Variants in GRIK2 observed in about 807,000 individuals in gnomAD.
GRIK2 encodes glutamate receptor ionotropic, kainate 2.
A neutral mutation model predicts 100.3 loss-of-function variants in GRIK2; 32 were observed. That is an observed-to-expected ratio of 0.32 (90% CI 0.24 to 0.43). GRIK2 has a LOEUF of 0.43. Ranked by LOEUF, GRIK2 falls within the 20% of genes least tolerant of loss-of-function variation. The probability of loss-of-function intolerance (pLI) is 1.00; values close to 1 mark genes in which losing one functional copy is unlikely to be tolerated. For missense variants in GRIK2, 843 were observed against 1,114.9 expected, an observed-to-expected ratio of 0.76 and a Z score of 3.47; for synonymous variants, 417 against 389.4, an observed-to-expected ratio of 1.07 and a Z score of -0.83.
chr6:101,665,433 C>G (rs1377705876), intron 4 of GRIK2, among the ~76,000 whole-genome samples: 3 of 152,166 alleles, frequency 2.0e-5, no homozygotes, highest in Non-Finnish European at 4.4e-5. Context: ...TGTATGTCTG[C>G]TTTGGAGTTC....
intron 14 of GRIK2, among the ~76,000 whole-genome samples, chr6:101,975,390 C>CA (rs1372366480): frequency 2.0e-5 from 3 of 151,504 alleles, no homozygotes; most frequent in Non-Finnish European, 2.9e-5. Context: ...GAAAATAACC[C>CA]AAAAAAGGAG....
At chr6:101,852,480 C>T (rs561362269) in intron 10 of GRIK2, among the ~76,000 whole-genome samples, 6 of 152,120 alleles carry the variant, frequency 3.9e-5, no homozygotes, top group African/African-American at 1.2e-4. Context: ...CTGGCTTCCC[C>T]GGTTGACCAG....
intron 11 of GRIK2, among the ~76,000 whole-genome samples, chr6:101,887,340 T>G (rs1013053856): frequency 6.6e-6 from 1 of 152,114 alleles, no homozygotes; most frequent in Non-Finnish European, 1.5e-5. Flanking sequence ...AATAAAAAGT[T>G]ACCACTTTAT....
chr6:101,752,297 T>C (rs1776841488), intron 7 of GRIK2, among the ~76,000 whole-genome samples: 1 of 152,144 alleles, frequency 6.6e-6, no homozygotes, highest in African/African-American at 2.4e-5. Context: ...TGTTTCTCAT[T>C]GATAGTGTCT....
chr6:101,968,762 A>G (rs889594486), intron 14 of GRIK2, among the ~76,000 whole-genome samples: 2 of 62,116 alleles, frequency 3.2e-5, no homozygotes, highest in Middle Eastern at 0.016. Flanking sequence ...CTCTGAGGGG[A>G]AAAAATCACT....
chr6:101,867,872 A>T (rs1785154702), intron 11 of GRIK2, among the ~76,000 whole-genome samples: 1 of 151,630 alleles, frequency 6.6e-6, no homozygotes, highest in South Asian at 2.1e-4. Flanking sequence ...TTGCAAAATT[A>T]TAGCAAAAAC....
intron 11 of GRIK2, among the ~76,000 whole-genome samples, chr6:101,876,341 A>C (rs1785839195): frequency 6.6e-6 from 1 of 152,040 alleles, no homozygotes; most frequent in South Asian, 2.1e-4. Flanking sequence ...AATCTAAAAA[A>C]GAATCTGGAT....
chr6:102,002,769 T>G (rs1795018728), intron 14 of GRIK2, among the ~76,000 whole-genome samples: 1 of 150,842 alleles, frequency 6.6e-6, no homozygotes, highest in Admixed American at 6.6e-5. Flanking sequence ...CTCATTACAA[T>G]CCCACCTATT....
At chr6:101,628,767 C>T (rs957338279) in intron 4 of GRIK2, among the ~76,000 whole-genome samples, 1 of 152,020 alleles carries the variant, frequency 6.6e-6, no homozygotes, top group Non-Finnish European at 1.5e-5. Context: ...ATAATGTATA[C>T]ATTATATACA....
chr6:101,556,186 A>C lies in GRIK2; in HGVS notation c.116-65763A>C, dbSNP rs544484264. Among the ~76,000 whole-genome samples, 311 of 151,954 alleles carry C rather than the reference A, an allele frequency of 2.0e-3. 1 individual carries two copies. Among genetic ancestry groups the C allele is most frequent in the Non-Finnish European group, 3.5e-3 (239 of 67,928 alleles). ...AAATTATCCGAAGGTATCTTTTTCT[A>C]TAAAATTTTAAAATAATGAACATGT... On this transcript the variant is annotated intron_variant, in intron 2 of 16. Transcript: ENST00000369134.
At chr6:101,612,943 T>TACCTTTACCTGA (rs1779747217) in intron 2 of GRIK2, among the ~76,000 whole-genome samples, 1 of 151,602 alleles carries the variant, frequency 6.6e-6, no homozygotes, top group Admixed American at 6.6e-5. Context: ...ATGAAAAACT[T>TACCTTTACCTGA]TGTAAATAGC....
At chr6:101,667,091 C>A (rs1401098651) in intron 4 of GRIK2, among the ~76,000 whole-genome samples, 1 of 152,110 alleles carries the variant, frequency 6.6e-6, no homozygotes, top group Non-Finnish European at 1.5e-5. Flanking sequence ...CCTGAATCTG[C>A]CTGCCACGGG....
intron 10 of GRIK2, among the ~76,000 whole-genome samples, chr6:101,823,512 GGTT>G (rs1782098805): frequency 6.6e-6 from 1 of 151,710 alleles, no homozygotes; most frequent in Non-Finnish European, 1.5e-5. Flanking sequence ...TTTCAAGTTC[GGTT>G]GTTGTTAAAA....
At chr6:101,865,296 G>A (rs1784981261) in intron 11 of GRIK2, among the ~76,000 whole-genome samples, 1 of 152,168 alleles carries the variant, frequency 6.6e-6, no homozygotes, top group Non-Finnish European at 1.5e-5. Context: ...CCTTGGCATT[G>A]CAATTGGTAT....
intron 2 of GRIK2, among the ~76,000 whole-genome samples, chr6:101,414,705 C>T (rs1776037752): frequency 6.6e-6 from 1 of 152,116 alleles, no homozygotes; most frequent in Admixed American, 6.6e-5. Context: ...AGGATGGACA[C>T]GTTTTAGATG....
At chr6:101,575,583 GAATCATGATT>G (rs1777753930) in intron 2 of GRIK2, among the ~76,000 whole-genome samples, 1 of 151,990 alleles carries the variant, frequency 6.6e-6, no homozygotes, top group Middle Eastern at 3.4e-3. Context: ...TGGTTTTGTT[GAATCATGATT>G]TCACCTAGAA....
chr6:101,862,852 T>C (rs1212364137), intron 11 of GRIK2, among the ~76,000 whole-genome samples: 2 of 152,204 alleles, frequency 1.3e-5, no homozygotes, highest in African/African-American at 2.4e-5. Flanking sequence ...TTCCTTTATG[T>C]ACTAATAATC....
intron 4 of GRIK2, among the ~76,000 whole-genome samples, chr6:101,659,977 TTG>T (rs1769492283): frequency 6.6e-6 from 1 of 152,140 alleles, no homozygotes. Flanking sequence ...AAGAGTATCT[TTG>T]TGGTGTTCTC....
chr6:101,540,974 G>A (rs1350077351), intron 2 of GRIK2, among the ~76,000 whole-genome samples: 2 of 151,924 alleles, frequency 1.3e-5, no homozygotes, highest in African/African-American at 2.4e-5. Flanking sequence ...GATCTGGGGG[G>A]AGGATATCTG....
Sources: allele counts gnomAD v4.1 joint callset (sites outside exome capture counted in the v4.1 genomes callset), GRCh38; gene constraint gnomAD v4.1.1; transcripts MANE v1.5; gene names NCBI Gene and HGNC (gene_info 2026-07-23, HGNC 2026-07-21).